Variants in ZNF804B observed in about 807,000 individuals in gnomAD.
The protein encoded by ZNF804B is zinc finger protein 804B.
A neutral mutation model predicts 101.4 loss-of-function variants in ZNF804B; 80 were observed. That is an observed-to-expected ratio of 0.79 (90% CI 0.66 to 0.95). ZNF804B has a LOEUF of 0.95. ZNF804B is among the 40% of genes least tolerant of loss of function. The pLI is 0.00. For missense variants in ZNF804B, 1,673 were observed against 1,561.9 expected, an observed-to-expected ratio of 1.07 and a Z score of -1.20; for synonymous variants, 622 against 558.8, an observed-to-expected ratio of 1.11 and a Z score of -1.59.
intron 1 of ZNF804B, among the ~76,000 whole-genome samples, chr7:88,901,568 A>T (rs891252675): frequency 6.6e-6 from 1 of 151,250 alleles, no homozygotes; most frequent in Non-Finnish European, 1.5e-5. Context: ...TCTCTTGATA[A>T]TTTTTTTTCT....
chr7:88,884,205 T>C (rs536149515), intron 1 of ZNF804B, among the ~76,000 whole-genome samples: 34 of 151,800 alleles, frequency 2.2e-4, no homozygotes, highest in Non-Finnish European at 4.3e-4. Context: ...AATATATTGA[T>C]AAATGTTATT....
intron 1 of ZNF804B, among the ~76,000 whole-genome samples, chr7:88,872,695 C>T (rs982348855): frequency 6.6e-6 from 1 of 151,740 alleles, no homozygotes; most frequent in East Asian, 1.9e-4. Flanking sequence ...GTTCAATTCC[C>T]ACCTATGAGT....
chr7:89,249,029 T>TAAAAAAAAAAAAAA (rs58553222), intron 2 of ZNF804B, among the ~76,000 whole-genome samples: 1 of 119,232 alleles, frequency 8.4e-6, no homozygotes, highest in Non-Finnish European at 1.8e-5. Context: ...CCAATAACAG[T>TAAAAAAAAAAAAAA]AAAAAAAAAA....
chr7:88,853,591 C>G (rs1791476813), intron 1 of ZNF804B, among the ~76,000 whole-genome samples: 1 of 152,008 alleles, frequency 6.6e-6, no homozygotes, highest in Non-Finnish European at 1.5e-5. Context: ...CTCTAAAATG[C>G]TTAACTTTAA....
intron 1 of ZNF804B, among the ~76,000 whole-genome samples, chr7:89,031,259 A>G (rs1239318312): frequency 2.0e-5 from 3 of 150,920 alleles, no homozygotes; most frequent in African/African-American, 7.3e-5. Context: ...CTGCTCAGAC[A>G]TTTCCTCTTC....
intron 1 of ZNF804B, among the ~76,000 whole-genome samples, chr7:88,952,676 G>C (rs1793243195): frequency 6.6e-6 from 1 of 151,718 alleles, no homozygotes; most frequent in Admixed American, 6.6e-5. Context: ...AGAAAACTTG[G>C]AAAGTACTAG....
intron 1 of ZNF804B, among the ~76,000 whole-genome samples, chr7:89,063,137 T>A (rs935286124): frequency 6.6e-6 from 1 of 152,138 alleles, no homozygotes; most frequent in African/African-American, 2.4e-5. Flanking sequence ...CGTTATTATT[T>A]GTTCAACTAT....
chr7:88,919,892 CAT>C (rs955040120), intron 1 of ZNF804B, among the ~76,000 whole-genome samples: 9 of 152,014 alleles, frequency 5.9e-5, no homozygotes, highest in African/African-American at 2.2e-4. Flanking sequence ...TGTACTCAGA[CAT>C]GTGTTAAGTA....
intron 1 of ZNF804B, among the ~76,000 whole-genome samples, chr7:88,948,703 G>A (rs904013134): frequency 5.3e-5 from 8 of 151,908 alleles, no homozygotes; most frequent in Non-Finnish European, 1.2e-4. Flanking sequence ...TGGAAGAAGA[G>A]AAGTCACCCC....
rs566991252 is a variant in ZNF804B, at chr7:89,091,004, G to A, written c.109-127151G>A. Among the ~76,000 whole-genome samples, 9 of 152,278 alleles carry A rather than the reference G, an allele frequency of 5.9e-5. No homozygotes were observed. The South Asian group carries it at 1.9e-3, about 32-fold the overall frequency. On this transcript the variant is annotated intron_variant, in intron 1 of 3. Transcript: ENST00000333190. ...CATTTTGAGGAAAGTTTGGACGTAA[G>A]TATTGAGTATGTGGATGAGCTTTCC...
chr7:89,213,113 AT>A (rs763719714), intron 1 of ZNF804B, among the ~76,000 whole-genome samples: 2 of 151,770 alleles, frequency 1.3e-5, no homozygotes, highest in Admixed American at 6.6e-5. Flanking sequence ...AAAGACAAAG[AT>A]TTTTTTTTCC....
chr7:89,122,668 C>A (rs144528999), intron 1 of ZNF804B, among the ~76,000 whole-genome samples: 5 of 152,212 alleles, frequency 3.3e-5, no homozygotes, highest in Non-Finnish European at 5.9e-5. Flanking sequence ...AGACCTTATG[C>A]AGAGTATTAT....
intron 1 of ZNF804B, among the ~76,000 whole-genome samples, chr7:88,867,311 G>A (rs567673186): frequency 2.5e-4 from 38 of 152,296 alleles, no homozygotes; most frequent in South Asian, 2.1e-4. Context: ...TTGCCTTACT[G>A]TCCAAGGCTG....
intron 1 of ZNF804B, among the ~76,000 whole-genome samples, chr7:89,022,496 A>G (rs552082287): frequency 2.0e-5 from 3 of 152,146 alleles, no homozygotes; most frequent in African/African-American, 7.2e-5. Context: ...ATTACTATAT[A>G]TTTTTCCTAA....
rs796987599 is a variant in ZNF804B, at chr7:88,854,533, T to TTCCTTCCCTTC, written c.108+94449_108+94450insTCCTTCCCTTC. Among the ~76,000 whole-genome samples the TTCCTTCCCTTC allele has an allele frequency of 6.4e-5, 5 of 78,196 alleles. No individual in the cohort carries two copies. The South Asian group carries it at 1.8e-3, about 27-fold the overall frequency. The allele number at this position is 78,196 out of a possible 152,430, so 51.3% of individuals were successfully genotyped here. A position where few individuals can be genotyped will look rare whatever the true frequency, so the allele number is the denominator to read the frequency against. On this transcript the variant is annotated intron_variant, in intron 1 of 3. Coordinates refer to ENST00000333190, the MANE Select transcript of ZNF804B (RefSeq NM_181646.5). ...TTTCCTTTCCTTTCCTTCCTTTCCT[T>TTCCTTCCCTTC]CCTTCCTTCCTTCCTTCCTTCCTTC...
intron 1 of ZNF804B, among the ~76,000 whole-genome samples, chr7:88,974,795 C>T (rs1326141202): frequency 6.6e-6 from 1 of 151,374 alleles, no homozygotes; most frequent in Non-Finnish European, 1.5e-5. Context: ...TTGTTATAAA[C>T]ATTCCACTTA....
At chr7:89,006,974 C>T (rs1167425658) in intron 1 of ZNF804B, among the ~76,000 whole-genome samples, 1 of 152,122 alleles carries the variant, frequency 6.6e-6, no homozygotes, top group East Asian at 1.9e-4. Context: ...AGATGAAGTG[C>T]GTGTTGGCCT....
intron 1 of ZNF804B, among the ~76,000 whole-genome samples, chr7:89,202,810 A>G (rs1788663721): frequency 6.6e-6 from 1 of 152,054 alleles, no homozygotes. Context: ...CTTTTCCTGG[A>G]TTAATTTTCT....
chr7:88,958,421 A>G (rs913859431), intron 1 of ZNF804B, among the ~76,000 whole-genome samples: 3 of 151,450 alleles, frequency 2.0e-5, no homozygotes, highest in African/African-American at 7.3e-5. Context: ...CTTTTCATGT[A>G]TCTTATTTTA....
Sources: gnomAD v4.1 joint callset for allele counts (sites outside exome capture counted in the v4.1 genomes callset) on GRCh38, gnomAD v4.1.1 for gene constraint, MANE v1.5 for transcripts, NCBI Gene and HGNC (gene_info 2026-07-23, HGNC 2026-07-21) for gene names.